Variants in TTLL5 observed in about 807,000 individuals in gnomAD.
TTLL5 encodes tubulin tyrosine ligase like 5.
A neutral mutation model predicts 168.4 loss-of-function variants in TTLL5; 132 were observed. The observed-to-expected ratio is 0.78, with a 90% CI of 0.68 to 0.91. The LOEUF (loss-of-function observed/expected upper bound fraction) is 0.91, where lower values mean the gene tolerates loss of function less well. Ranked by LOEUF, TTLL5 falls within the 40% of genes least tolerant of loss-of-function variation. The pLI, the probability that TTLL5 is intolerant of heterozygous loss-of-function variation, is 0.00. For synonymous variants in TTLL5, 546 were observed against 558.6 expected (o/e 0.98, Z 0.32); for missense variants, 1,545 against 1,581.5 (o/e 0.98, Z 0.39).
At chr14:75,885,200 A>T (rs943757350) in intron 30 of TTLL5, among the ~76,000 whole-genome samples, 14 of 145,196 alleles carry the variant, frequency 9.6e-5, no homozygotes, top group African/African-American at 1.3e-4. Flanking sequence ...TAATTAAAAT[A>T]AAAAAACTGG....
chr14:75,835,712 T>C (rs772561777), intron 28 of TTLL5: 9 of 152,140 alleles, frequency 5.9e-5, no homozygotes, highest in Non-Finnish European at 1.3e-4. Context: ...AAAAAACTAA[T>C]AATCCAATTA....
intron 18 of TTLL5, among the ~76,000 whole-genome samples, chr14:75,756,390 C>T (rs188141274): frequency 6.6e-6 from 1 of 152,186 alleles, no homozygotes; most frequent in Admixed American, 6.5e-5. Flanking sequence ...CATAGGGGAT[C>T]TTCATGGTGA....
chr14:75,887,308 T>C (rs2032172134), intron 30 of TTLL5: 1 of 985,226 alleles, frequency 1.0e-6, no homozygotes, highest in Non-Finnish European at 1.2e-6. Flanking sequence ...AAAAATGTTA[T>C]ATCTTTTTAA....
At chr14:75,943,328 A>G (rs1357604190) in intron 31 of TTLL5, among the ~76,000 whole-genome samples, 2 of 152,198 alleles carry the variant, frequency 1.3e-5, no homozygotes, top group Non-Finnish European at 2.9e-5. Context: ...GGGACCCCAG[A>G]GTGCCAGCTA....
chr14:75,946,671 C>T (rs1369954705), intron 31 of TTLL5, among the ~76,000 whole-genome samples: 1 of 151,998 alleles, frequency 6.6e-6, no homozygotes, highest in East Asian at 1.9e-4. Context: ...CCAAAAATCC[C>T]CAATAGGAGA....
chr14:75,721,287 T>C (rs1267891864), intron 12 of TTLL5, among the ~76,000 whole-genome samples: 1 of 152,140 alleles, frequency 6.6e-6, no homozygotes, highest in African/African-American at 2.4e-5. Flanking sequence ...AATCAGGAAA[T>C]GTTACCTACT....
chr14:75,895,826 A>G lies in TTLL5; in HGVS notation c.3741-6316A>G, dbSNP rs17103768. 2.4e-3 allele frequency among the ~76,000 whole-genome samples: 373 copies of G among 152,348 alleles called. 15 individuals carry two copies. Among genetic ancestry groups the G allele is most frequent in the Admixed American group, 0.022 (344 of 15,302 alleles). On this transcript the variant is annotated intron_variant, in intron 30 of 31. Coordinates refer to ENST00000298832, the MANE Select transcript of TTLL5 (RefSeq NM_015072.5). ...GGAAAAAAATACAGAAATCTACAAC[A>G]GTCAGGTGCATGGCAGAACATTAGA...
chr14:75,667,457 A>T (rs1270638537), intron 2 of TTLL5, among the ~76,000 whole-genome samples: 1 of 152,244 alleles, frequency 6.6e-6, no homozygotes, highest in Non-Finnish European at 1.5e-5. Context: ...CTTCATGCCC[A>T]CATTTTACAG....
chr14:75,895,969 A>G (rs923419396), intron 30 of TTLL5, among the ~76,000 whole-genome samples: 6 of 152,204 alleles, frequency 3.9e-5, no homozygotes, highest in African/African-American at 1.4e-4. Context: ...GAATAAAAAG[A>G]GAAAAGGGCC....
Position 75,851,197 on chromosome 14 carries a change from T to C in TTLL5, c.3327-12470T>C, listed in dbSNP as rs558747242. 2.2e-3 allele frequency among the ~76,000 whole-genome samples: 328 copies of C among 151,608 alleles called. 1 individual carries two copies. Among genetic ancestry groups the C allele is most frequent in the African/African-American group, 7.7e-3 (319 of 41,282 alleles). On this transcript the variant is annotated intron_variant, in intron 28 of 31. Transcript: ENST00000298832. Reference sequence around the variant, plus strand: ...TAACATTATCAGATGAAAAAGCAGGTTATAAAGCATAGAGTATGGACTCAT... The same window carrying C: ...TAACATTATCAGATGAAAAAGCAGGCTATAAAGCATAGAGTATGGACTCAT...
At chr14:75,921,704 A>G (rs1357652077) in intron 31 of TTLL5, among the ~76,000 whole-genome samples, 1 of 152,208 alleles carries the variant, frequency 6.6e-6, no homozygotes, top group African/African-American at 2.4e-5. Flanking sequence ...TGTCTTGGCA[A>G]TGTGGGCTCT....
intron 30 of TTLL5, among the ~76,000 whole-genome samples, chr14:75,886,279 C>T (rs1301592851): frequency 3.9e-5 from 6 of 152,154 alleles, no homozygotes; most frequent in Admixed American, 3.9e-4. Context: ...GATGGAATGT[C>T]ACTTGGATTT....
intron 31 of TTLL5, among the ~76,000 whole-genome samples, chr14:75,912,791 A>G (rs1186146217): frequency 6.6e-6 from 1 of 152,234 alleles, no homozygotes; most frequent in Non-Finnish European, 1.5e-5. Flanking sequence ...AAAATAGTCA[A>G]TAGTAGCTTC....
chr14:75,806,646 C>A (rs1566612393), intron 27 of TTLL5, among the ~76,000 whole-genome samples: 1 of 152,072 alleles, frequency 6.6e-6, no homozygotes, highest in East Asian at 1.9e-4. Context: ...CATATGCATA[C>A]TCTTTCACTC....
chr14:75,865,897 T>C (rs1360451678), intron 29 of TTLL5, among the ~76,000 whole-genome samples: 1 of 152,200 alleles, frequency 6.6e-6, no homozygotes, highest in African/African-American at 2.4e-5. Context: ...CTCGTTCTCC[T>C]GGAGAGCAAA....
At chr14:75,676,289 C>CTGGTA (rs1884148271) in intron 3 of TTLL5, among the ~76,000 whole-genome samples, 1 of 152,138 alleles carries the variant, frequency 6.6e-6, no homozygotes, top group South Asian at 2.1e-4. Flanking sequence ...TAAAAATAAC[C>CTGGTA]ATCATTACCA....
intron 31 of TTLL5, among the ~76,000 whole-genome samples, chr14:75,921,577 G>A (rs1294152312): frequency 6.6e-6 from 1 of 152,118 alleles, no homozygotes; most frequent in Non-Finnish European, 1.5e-5. Context: ...CTGTTCCATT[G>A]GTCTATATAT....
chr14:75,875,125 G>A (rs1255097892), intron 29 of TTLL5, among the ~76,000 whole-genome samples: 1 of 149,912 alleles, frequency 6.7e-6, no homozygotes, highest in Non-Finnish European at 1.5e-5. Context: ...AGTAGAGATG[G>A]GGTTTCACCG....
At chr14:75,883,539 G>A (rs900805194) in intron 30 of TTLL5, among the ~76,000 whole-genome samples, 4 of 152,178 alleles carry the variant, frequency 2.6e-5, no homozygotes, top group African/African-American at 9.7e-5. Context: ...GCAGACATTT[G>A]TGTATTTCTC....
Sources: gnomAD v4.1 joint callset for allele counts (sites outside exome capture counted in the v4.1 genomes callset) on GRCh38, gnomAD v4.1.1 for gene constraint, MANE v1.5 for transcripts, NCBI Gene and HGNC (gene_info 2026-07-23, HGNC 2026-07-21) for gene names.